DIS3L: variants seen among roughly 807,000 people sequenced by gnomAD.
DIS3L encodes DIS3-like exonuclease 1.
In DIS3L, 100 loss-of-function variants were observed where a neutral mutation model predicts 120.3. The observed-to-expected ratio is 0.83, with a 90% CI of 0.71 to 0.98. The LOEUF is 0.98. DIS3L is among the 50% of genes least tolerant of loss of function. The pLI, the probability that DIS3L is intolerant of heterozygous loss-of-function variation, is 0.00. For synonymous variants in DIS3L, 426 were observed against 470.6 expected (o/e 0.91, Z 1.23); for missense variants, 1,196 against 1,314.2 (o/e 0.91, Z 1.39).
At chr15:66,331,297 T>G (rs910987296) in intron 14 of DIS3L, 2 of 152,418 alleles carry the variant, frequency 1.3e-5, no homozygotes, top group Admixed American at 6.5e-5. Flanking sequence ...GGCTCATGCC[T>G]GTAATCCCAG....
intron 2 of DIS3L, among the ~76,000 whole-genome samples, chr15:66,299,107 A>C (rs2092620077): frequency 6.6e-6 from 1 of 152,222 alleles, no homozygotes; most frequent in Non-Finnish European, 1.5e-5. Context: ...TTCAAGGCAG[A>C]GGAAAATGCC....
chr15:66,303,295 A>T (rs552266006), intron 2 of DIS3L, among the ~76,000 whole-genome samples: 24 of 152,256 alleles, frequency 1.6e-4, no homozygotes, highest in Middle Eastern at 6.8e-3. Flanking sequence ...CTTGCTTTCA[A>T]TTTGGGTATA....
intron 4 of DIS3L, among the ~76,000 whole-genome samples, chr15:66,310,003 G>A (rs2092744550): frequency 1.3e-5 from 2 of 152,166 alleles, no homozygotes; most frequent in Non-Finnish European, 1.5e-5. Context: ...TGTGAGAGTA[G>A]GATGACTGTT....
Position 66,329,210 on chromosome 15 carries a change from T to C in DIS3L, c.2357-11T>C, listed in dbSNP as rs377650109. On this transcript the variant is annotated splice_polypyrimidine_tract_variant and intron_variant, in intron 13 of 16. Transcript: ENST00000319212. ...TTTTGTTTATTTTGATCTTTTGCTT[T>C]CTTTTTGAAGGTCTTGCATTAGATA... 3.8e-5 allele frequency: 61 copies of C among 1,586,720 alleles called. No homozygotes were observed. The highest frequency in any genetic ancestry group is 5.5e-5 in the African/African-American group (4 of 73,362).
intron 8 of DIS3L, among the ~76,000 whole-genome samples, chr15:66,319,508 C>T (rs1566951020): frequency 6.6e-6 from 1 of 152,128 alleles, no homozygotes; most frequent in Admixed American, 6.5e-5. Context: ...ATTGATTATC[C>T]ATAAAGGAAT....
At chr15:66,321,290 A>G (rs1181051713) in intron 9 of DIS3L, among the ~76,000 whole-genome samples, 1 of 152,162 alleles carries the variant, frequency 6.6e-6, no homozygotes, top group Non-Finnish European at 1.5e-5. Flanking sequence ...TTGAATGACT[A>G]TATTCATTGT....
chr15:66,304,639 G>A (rs746841579), intron 2 of DIS3L, among the ~76,000 whole-genome samples: 10 of 152,100 alleles, frequency 6.6e-5, no homozygotes, highest in Non-Finnish European at 1.3e-4. Flanking sequence ...GACGGCTTAT[G>A]CCTATAATCC....
chr15:66,318,590 T>C lies in DIS3L; in HGVS notation c.1136T>C (p.Ile379Thr). The part of the protein sequence containing the change: ...PWDYRIPKIR[I>T]STQQAETLQD... Reference sequence around the variant, plus strand: ...GATTACAGAATTCCCAAAATTCGAATTAGCACTCAGCAAGCAGAAACCCTC... The same window carrying C: ...GATTACAGAATTCCCAAAATTCGAACTAGCACTCAGCAAGCAGAAACCCTC... The change falls in exon 8 of 17, where the codon ATT becomes ACT. Residue 379 changes from isoleucine (I) to threonine (T), a missense_variant. By Grantham distance (89) the Ile-to-Thr change is moderately conservative. Coordinates refer to ENST00000319212, the MANE Select transcript of DIS3L (RefSeq NM_001143688.3). 1 of 1,614,072 alleles carries C rather than the reference T, an allele frequency of 6.2e-7. No individual in the cohort carries two copies. The highest frequency in any genetic ancestry group is 8.5e-7 in the Non-Finnish European group (1 of 1,180,014).
At chr15:66,332,606 CGTG>C in intron 15 of DIS3L, 127 bp from the exon 16 acceptor site, 1 of 869,730 alleles carries the variant, frequency 1.1e-6, no homozygotes, top group Non-Finnish European at 1.7e-6. Flanking sequence ...GAAATAAATA[CGTG>C]GAGGTAAACC....
At chr15:66,307,411 C>A (rs904137723) in intron 3 of DIS3L, among the ~76,000 whole-genome samples, 1 of 152,052 alleles carries the variant, frequency 6.6e-6, no homozygotes, top group African/African-American at 2.4e-5. Context: ...ATCCTCCCAC[C>A]TCAGCCTCCC....
intron 2 of DIS3L, among the ~76,000 whole-genome samples, chr15:66,302,210 C>A (rs998052): frequency 0.2 from 30,679 of 151,976 alleles, 3,357 homozygotes; most frequent in Non-Finnish European, 0.24. Context: ...ACAAAAAAAA[C>A]CAAAAAAATT....
intron 12 of DIS3L, among the ~76,000 whole-genome samples, chr15:66,328,141 A>T (rs1265797095): frequency 2.6e-5 from 4 of 152,206 alleles, no homozygotes; most frequent in Non-Finnish European, 5.9e-5. Flanking sequence ...TCATATTTAC[A>T]GATAAGTCAA....
At chr15:66,331,821 C>G in intron 14 of DIS3L, 54 bp from the exon 15 acceptor site, 1 of 1,432,670 alleles carries the variant, frequency 7.0e-7, no homozygotes, top group Non-Finnish European at 9.2e-7. Flanking sequence ...AATTTCGTTT[C>G]TTTGGGGAAT....
At position 66,315,141 on chromosome 15, in the gene DIS3L, G is replaced by T. The variant is rs2092803894; in HGVS notation, c.920G>T (p.Arg307Ile). The T allele has an allele frequency of 1.2e-6, 2 of 1,614,100 alleles. No individual in the cohort carries two copies. The highest frequency in any genetic ancestry group is 1.3e-5 in the African/African-American group (1 of 75,010). The change falls in exon 7 of 17, where the codon AGA becomes ATA. Residue 307 changes from arginine to isoleucine, a missense_variant. Arg to Ile is a moderately conservative substitution (Grantham distance 97). Coordinates refer to ENST00000319212, the MANE Select transcript of DIS3L (RefSeq NM_001143688.3). ...ELLPKNEWKGRTVALCENDCD... is the reference protein window; with the variant it reads ...ELLPKNEWKGITVALCENDCD... The stretch of plus-strand genomic sequence containing the variant: ...CTTCCTAAAAATGAATGGAAAGGAA[G>T]AACCGTAGCCCTGTGTGAGAATGAC...
At chr15:66,303,766 T>C (rs1177031124) in intron 2 of DIS3L, among the ~76,000 whole-genome samples, 3 of 152,164 alleles carry the variant, frequency 2.0e-5, no homozygotes, top group Admixed American at 6.6e-5. Context: ...CCGAACTGTG[T>C]AAGGCAGAAA....
chr15:66,313,899 A>G lies in DIS3L; in HGVS notation c.736-140A>G. On this transcript the variant is annotated intron_variant, in intron 5 of 16. Transcript: ENST00000319212. ...TATATATGTGTGTGTATATATATAT[A>G]TATAGTTCCTAAAGGGATCACAAAC... The G allele has an allele frequency of 1.1e-5, 6 of 562,488 alleles. No homozygotes were observed. In the South Asian group the frequency reaches 1.3e-4, roughly 13 times the overall value. 34.8% of individuals were successfully genotyped at this position (562,488 alleles called of 1,614,324 possible). A position where few individuals can be genotyped will look rare whatever the true frequency, so the allele number is the denominator to read the frequency against.
intron 2 of DIS3L, among the ~76,000 whole-genome samples, chr15:66,296,067 CA>C (rs1373093126): frequency 6.6e-6 from 1 of 152,114 alleles, no homozygotes; most frequent in Non-Finnish European, 1.5e-5. Flanking sequence ...AAATGATCTT[CA>C]AGTTGATTTT....
Position 66,323,633 on chromosome 15 carries a change from G to C in DIS3L, c.1667+48G>C, listed in dbSNP as rs1429949392. The C allele has an allele frequency of 7.6e-6, 12 of 1,575,894 alleles. No homozygotes were observed. The Admixed American group carries it at 2.0e-4, about 26-fold the overall frequency. On this transcript the variant is annotated intron_variant, in intron 11 of 16. Coordinates refer to ENST00000319212, the MANE Select transcript of DIS3L (RefSeq NM_001143688.3). ...CAAAGCTTGTCCTGGCCCTTCTGTG[G>C]CTCCTGATGCTGCCTGCTTCTGGCC... is the stretch of plus-strand genomic sequence containing the variant.
At chr15:66,317,006 T>C (rs889455732) in intron 7 of DIS3L, among the ~76,000 whole-genome samples, 3 of 152,160 alleles carry the variant, frequency 2.0e-5, no homozygotes, top group African/African-American at 7.2e-5. Flanking sequence ...CAGTGACAAC[T>C]TGTTCTTTCC....
Sources: gnomAD v4.1 joint callset for allele counts (sites outside exome capture counted in the v4.1 genomes callset) on GRCh38, gnomAD v4.1.1 for gene constraint, MANE v1.5 for transcripts, NCBI Gene and HGNC (gene_info 2026-07-23, HGNC 2026-07-21) for gene names.